PRKAG2: variants seen among roughly 807,000 people sequenced by gnomAD.
PRKAG2 encodes the protein 5'-AMP-activated protein kinase subunit gamma-2.
A neutral mutation model predicts 69.6 loss-of-function variants in PRKAG2; 26 were observed. The ratio of observed to expected loss-of-function variants is 0.37; its 90% confidence interval spans 0.27 to 0.52. PRKAG2 has a LOEUF of 0.52. PRKAG2 is among the 20% of genes least tolerant of loss of function. The pLI is 0.90. For missense variants in PRKAG2, 557 were observed against 740.0 expected (o/e 0.75, Z 2.87); for synonymous variants, 293 against 285.0 (o/e 1.03, Z -0.28).
chr7:151,814,277 G>A lies in PRKAG2; in HGVS notation c.115-27736C>T, dbSNP rs1357204367. The A allele has an allele frequency of 2.1e-6, 1 of 465,668 alleles. No homozygotes were observed. Among genetic ancestry groups the A allele is most frequent in the Admixed American group, 5.5e-5 (1 of 18,252 alleles). 28.8% of individuals were successfully genotyped at this position (465,668 alleles called of 1,614,324 possible). On this transcript the variant is annotated intron_variant, in intron 1 of 15. Transcript: ENST00000287878. This position sits in a 1 kb window ranked among gnomAD's most constrained non-coding sequence, Gnocchi z 4.8. ...CCTTGGGGTATCTGATTTAATAAGA[G>A]GCTCTTGGAGAACAAAGCCACAATT...
chr7:151,559,176 C>G lies in PRKAG2; in HGVS notation c.1678+1348G>C, dbSNP rs1045205490. 26 of 982,104 alleles carry G rather than the reference C, an allele frequency of 2.6e-5. No homozygotes were observed. In the African/African-American group the frequency reaches 3.8e-4, roughly 15 times the overall value. The allele number at this position is 982,104 out of a possible 1,614,324, so 60.8% of individuals were successfully genotyped here. On this transcript the variant is annotated intron_variant, in intron 15 of 15. Transcript: ENST00000287878. ...ATGATGGTCTGGATGAGCCTGGCTC[C>G]CTCTGTTCAATGTTGCCTGTGAGAT...
chr7:151,737,934 AC>A (rs11355633), intron 3 of PRKAG2, among the ~76,000 whole-genome samples: 53,183 of 101,934 alleles, frequency 0.52, 11,570 homozygotes, highest in East Asian at 0.74. Flanking sequence ...CAGATCTGCC[AC>A]TCCCACGGGG....
At chr7:151,837,863 A>C (rs1407031151) in intron 1 of PRKAG2, among the ~76,000 whole-genome samples, 3 of 152,144 alleles carry the variant, frequency 2.0e-5, no homozygotes, top group African/African-American at 7.2e-5. Context: ...CCCTGCAACA[A>C]AACCCACAGC....
chr7:151,804,361 G>A (rs926962724), intron 1 of PRKAG2, among the ~76,000 whole-genome samples: 8 of 152,178 alleles, frequency 5.3e-5, no homozygotes, highest in African/African-American at 1.9e-4. Flanking sequence ...GCTGCTTGCA[G>A]GTCAGTGCAT....
At chr7:151,770,605 T>C (rs913734297) in intron 3 of PRKAG2, among the ~76,000 whole-genome samples, 5 of 152,208 alleles carry the variant, frequency 3.3e-5, no homozygotes, top group Admixed American at 6.5e-5. Flanking sequence ...AACCTTATCA[T>C]TCTTCAACTG....
At chr7:151,660,070 A>G (rs184149893) in intron 4 of PRKAG2, among the ~76,000 whole-genome samples, 1 of 152,306 alleles carries the variant, frequency 6.6e-6, no homozygotes, top group East Asian at 1.9e-4. Context: ...AAAAAAAGTT[A>G]TTTCCACAAT....
At chr7:151,785,170 G>T (rs1428999784) in intron 2 of PRKAG2, among the ~76,000 whole-genome samples, 1 of 152,270 alleles carries the variant, frequency 6.6e-6, no homozygotes, top group African/African-American at 2.4e-5. Flanking sequence ...GCGGAGCAGA[G>T]CTCTGCCTAT....
intron 1 of PRKAG2, among the ~76,000 whole-genome samples, chr7:151,812,129 TAG>T (rs1235564898): frequency 4.6e-5 from 7 of 152,168 alleles, no homozygotes; most frequent in African/African-American, 1.7e-4. Context: ...AGAGGTAACG[TAG>T]AGACAGATCC....
chr7:151,850,982 C>G lies in PRKAG2; in HGVS notation c.114+25525G>C, dbSNP rs956870879. On this transcript the variant is annotated intron_variant, in intron 1 of 15. Coordinates refer to ENST00000287878, the MANE Select transcript of PRKAG2 (RefSeq NM_016203.4). The surrounding 1 kb of genome is among the most constrained non-coding windows in gnomAD (Gnocchi z 4.1). ...ACAGGGGTACCCCTGCTCCCCAACC[C>G]GCAAATGGGTGGTGAGACCTGAGGG... Among the ~76,000 whole-genome samples the G allele has an allele frequency of 2.0e-5, 3 of 152,164 alleles. No homozygotes were observed. Among genetic ancestry groups the G allele is most frequent in the South Asian group, 4.1e-4 (2 of 4,830 alleles).
intron 1 of PRKAG2, among the ~76,000 whole-genome samples, chr7:151,830,097 T>C (rs981214993): frequency 6.7e-6 from 1 of 149,066 alleles, no homozygotes; most frequent in Non-Finnish European, 1.5e-5. Context: ...TCTGTTCCAA[T>C]GTCGAGGACT....
chr7:151,782,123 T>TA (rs922654965), intron 2 of PRKAG2, among the ~76,000 whole-genome samples: 5 of 148,162 alleles, frequency 3.4e-5, no homozygotes, highest in Admixed American at 6.7e-5. Flanking sequence ...AATAAAAAAA[T>TA]AAAAAAAAAA....
chr7:151,873,260 A>G (rs1352720454), intron 1 of PRKAG2, among the ~76,000 whole-genome samples: 8 of 152,066 alleles, frequency 5.3e-5, no homozygotes, highest in Non-Finnish European at 1.2e-4. Flanking sequence ...CCTTAGTGGG[A>G]GTATCACCCC....
chr7:151,732,330 G>T (rs1799084627), intron 3 of PRKAG2, among the ~76,000 whole-genome samples: 2 of 151,566 alleles, frequency 1.3e-5, no homozygotes, highest in Admixed American at 6.6e-5. Flanking sequence ...ATAGAGATGG[G>T]GTTTTACCAC....
chr7:151,654,015 T>G (rs976046758), intron 4 of PRKAG2, among the ~76,000 whole-genome samples: 40 of 152,324 alleles, frequency 2.6e-4, no homozygotes, highest in Admixed American at 2.6e-3. Flanking sequence ...TGTTTAAAAA[T>G]TATCATAATT....
intron 3 of PRKAG2, among the ~76,000 whole-genome samples, chr7:151,712,816 C>T (rs1196636305): frequency 1.3e-5 from 2 of 152,260 alleles, no homozygotes; most frequent in East Asian, 3.9e-4. Flanking sequence ...GGTTCTGAGG[C>T]CTCGTGGAGA....
intron 1 of PRKAG2, among the ~76,000 whole-genome samples, chr7:151,854,118 T>C (rs543360313): frequency 6.6e-6 from 1 of 152,346 alleles, no homozygotes; most frequent in South Asian, 2.1e-4. Context: ...CAGCAGGCAG[T>C]GCCCATCACG....
chr7:151,575,924 A>G (rs1808813040), intron 7 of PRKAG2, among the ~76,000 whole-genome samples: 1 of 149,780 alleles, frequency 6.7e-6, no homozygotes, highest in South Asian at 2.1e-4. Context: ...GAAAAAAAGG[A>G]CAACAGTGTT....
intron 1 of PRKAG2, among the ~76,000 whole-genome samples, chr7:151,865,488 G>A (rs981490553): frequency 6.6e-6 from 1 of 152,202 alleles, no homozygotes; most frequent in African/African-American, 2.4e-5. Context: ...GCATGCCCCA[G>A]GTTAAGCCTT....
intron 3 of PRKAG2, among the ~76,000 whole-genome samples, chr7:151,773,245 AGAAG>A (rs1420535907): frequency 2.0e-5 from 3 of 151,962 alleles, no homozygotes; most frequent in African/African-American, 7.3e-5. Context: ...AAGGAAAGAA[AGAAG>A]GAAAGAAAGA....
Sources: allele counts gnomAD v4.1 joint callset (sites outside exome capture counted in the v4.1 genomes callset), GRCh38; gene constraint gnomAD v4.1.1; non-coding constraint Gnocchi (gnomAD v3.1); transcripts MANE v1.5; gene names NCBI Gene and HGNC (gene_info 2026-07-23, HGNC 2026-07-21).